TMEM223: variants seen among roughly 807,000 people sequenced by gnomAD.
The protein encoded by TMEM223 is transmembrane protein 223.
In TMEM223, 14 loss-of-function variants were observed where a neutral mutation model predicts 14.1. The observed-to-expected ratio is 0.99, with a 90% confidence interval of 0.66 to 1.55. TMEM223 has a LOEUF of 1.55. Ranked by LOEUF, TMEM223 falls within the 40% of genes most tolerant of loss-of-function variation. The pLI is 0.00. For missense variants in TMEM223, 346 were observed against 269.9 expected, an observed-to-expected ratio of 1.28 and a Z score of -1.97; for synonymous variants, 145 against 120.5, an observed-to-expected ratio of 1.20 and a Z score of -1.33.
At chr11:62,789,510 C>G, downstream of TMEM223, 1 of 1,594,420 alleles carries the variant, frequency 6.3e-7, no homozygotes. Context: ...TTATCCCCAT[C>G]AGTTGCTCTC....
At chr11:62,775,921 G>C (rs772861588) in intron 1 of TMEM223, 1 of 1,609,382 alleles carries the variant, frequency 6.2e-7, no homozygotes, top group Non-Finnish European at 8.5e-7. Context: ...GTCTGAGAGA[G>C]GCCACGCAGG....
chr11:62,779,355 C>T (rs1054774860), intron 1 of TMEM223, among the ~76,000 whole-genome samples: 8 of 152,110 alleles, frequency 5.3e-5, no homozygotes, highest in African/African-American at 7.2e-5. Context: ...CCAACATACC[C>T]GGCTAATTTT....
chr11:62,791,681 A>G lies in TMEM223; in HGVS notation c.314T>C (p.Ile105Thr). 2 of 1,531,440 alleles carry G rather than the reference A, an allele frequency of 1.3e-6. No homozygotes were observed. The highest frequency in any genetic ancestry group is 1.8e-6 in the Non-Finnish European group (2 of 1,138,630). The allele number at this position is 1,531,440 out of a possible 1,614,324, so 94.9% of individuals were successfully genotyped here. The change falls in exon 1 of 2, where the codon ATC becomes ACC. Residue 105 changes from isoleucine to threonine, a missense_variant and splice_region_variant. Transcript: ENST00000307366. ...RYGLAVGCGA[I>T]GALVLGAGLL... ...TGGGAAGCCAGCCCACGTCTTACCG[A>G]TGGCGCCGCAGCCGACGGCCAGACC...
At chr11:62,785,488 GGCTGGTATTTTCCTTATAGGCCCA>G (rs1167025595), downstream of TMEM223, among the ~76,000 whole-genome samples, 9 of 151,250 alleles carry the variant, frequency 6.0e-5, no homozygotes, top group East Asian at 1.9e-4. Context: ...CACAGCGCCC[GGCTGGTATTTTCCTTATAGGCCCA>G]GCTGGTATTT....
At chr11:62,782,540 A>G (rs774412622), downstream of TMEM223, 10 of 1,194,474 alleles carry the variant, frequency 8.4e-6, no homozygotes, top group Non-Finnish European at 1.2e-5. Flanking sequence ...TTCAGCCCTC[A>G]GGTCCTAGGC....
downstream of TMEM223, chr11:62,787,416 T>C (rs773560051): frequency 1.9e-6 from 3 of 1,557,740 alleles, no homozygotes; most frequent in Admixed American, 1.9e-5. Context: ...CGGCGCTTCC[T>C]GGTGGTCAGG....
rs760061154 is a variant in TMEM223, at chr11:62,775,771, C to G, written c.315-1106G>C. Reference sequence around the variant, plus strand: ...TCCAGTCTTCATTCTCCACTCCCAGCTCCACTGGGGCCATGTCAGAGCGAG... The same window carrying G: ...TCCAGTCTTCATTCTCCACTCCCAGGTCCACTGGGGCCATGTCAGAGCGAG... On this transcript the variant is annotated intron_variant, in intron 1 of 2. Coordinates refer to the TMEM223 transcript ENST00000528367. 5.0e-6 allele frequency: 8 copies of G among 1,600,916 alleles called. No homozygotes were observed. The South Asian group carries it at 8.9e-5, about 18-fold the overall frequency.
chr11:62,790,907 C>T lies in TMEM223; in HGVS notation c.325G>A (p.Val109Ile), dbSNP rs866825397. ...AVGCGAIGAL[V>I]LGAGLLFSLR... Reference sequence around the variant, plus strand: ...GAGAAGAGAAGACCAGCACCGAGTACGAGGGCTCCTGCAGGCAGGGCAGAG... The same window carrying T: ...GAGAAGAGAAGACCAGCACCGAGTATGAGGGCTCCTGCAGGCAGGGCAGAG... Residue 109 changes from valine to isoleucine, a missense_variant, in exon 2 of 2, where the codon GTA becomes ATA. Transcript: ENST00000307366. The T allele has an allele frequency of 3.2e-6, 5 of 1,577,218 alleles. 1 individual carries two copies. Among genetic ancestry groups the T allele is most frequent in the East Asian group, 4.6e-5 (2 of 43,840 alleles).
intron 1 of TMEM223, 120 bp downstream of exon 1, chr11:62,791,559 G>T: frequency 7.9e-7 from 1 of 1,259,202 alleles, no homozygotes; most frequent in Non-Finnish European, 1.1e-6. Flanking sequence ...TCACATTTCT[G>T]TGGGGTAAAG....
chr11:62,781,939 C>T, intron 1 of TMEM223: 1 of 1,614,140 alleles, frequency 6.2e-7, no homozygotes, highest in Non-Finnish European at 8.5e-7. Flanking sequence ...TGGGGCACTC[C>T]TGCCTTACTT....
chr11:62,784,847 A>C (rs1214412053), downstream of TMEM223, among the ~76,000 whole-genome samples: 1 of 152,304 alleles, frequency 6.6e-6, no homozygotes, highest in South Asian at 2.1e-4. Flanking sequence ...GGTCTGCTAA[A>C]TTTTAAAAGG....
At chr11:62,778,169 G>A (rs374631781) in intron 1 of TMEM223, 7 of 1,613,948 alleles carry the variant, frequency 4.3e-6, no homozygotes, top group Non-Finnish European at 5.9e-6. Flanking sequence ...ATGGGAGTTG[G>A]GCCGTGAAGA....
intron 1 of TMEM223, among the ~76,000 whole-genome samples, chr11:62,781,354 G>A (rs1165040089): frequency 6.6e-6 from 1 of 151,566 alleles, no homozygotes; most frequent in Non-Finnish European, 1.5e-5. Context: ...TAAGCATCTG[G>A]TTTTATAGAT....
downstream of TMEM223, among the ~76,000 whole-genome samples, chr11:62,783,140 T>C (rs551695695): frequency 1.3e-5 from 2 of 152,368 alleles, no homozygotes; most frequent in African/African-American, 4.8e-5. Context: ...AATTTTGTCA[T>C]ACCTTTTTAG....
At chr11:62,776,343 T>G in intron 1 of TMEM223, 1 of 1,607,214 alleles carries the variant, frequency 6.2e-7, no homozygotes, top group South Asian at 1.1e-5. Flanking sequence ...TGCCCCCTGC[T>G]TCACATCCTT....
downstream of TMEM223, chr11:62,787,775 G>A: frequency 1.5e-6 from 1 of 684,588 alleles, no homozygotes; most frequent in South Asian, 1.5e-5. Flanking sequence ...AAAGCACTAG[G>A]TGGAGTCGGG....
intron 1 of TMEM223, among the ~76,000 whole-genome samples, chr11:62,791,117 C>T (rs1439186557): frequency 2.0e-5 from 3 of 152,050 alleles, no homozygotes; most frequent in Non-Finnish European, 1.5e-5. Context: ...CTTGTTATTC[C>T]TCCCAACAAC....
rs958226565 is a variant in TMEM223, at chr11:62,778,381, C to G, written c.315-3716G>C. Reference sequence around the variant, plus strand: ...CAGGCTCTTTGGATGAATTTTCTCCCTTAGGTTCTGAGGGTGGTGCCTATG... The same window carrying G: ...CAGGCTCTTTGGATGAATTTTCTCCGTTAGGTTCTGAGGGTGGTGCCTATG... On this transcript the variant is annotated intron_variant, in intron 1 of 2. Transcript: ENST00000528367. The G allele has an allele frequency of 3.1e-6, 5 of 1,610,620 alleles. No individual in the cohort carries two copies. In the African/African-American group the frequency reaches 6.7e-5, roughly 22 times the overall value.
In TMEM223 at chr11:62,790,466, A is replaced by C. The variant is rs1313883807; in HGVS notation, c.*157T>G. On this transcript the variant is annotated 3_prime_UTR_variant, in exon 2 of 2. Transcript: ENST00000307366. ...GTTTTTTTTTTTGTAAATAGAGACA[A>C]GGTCTCGCTATGTTGCCCAGCCTGG... 6 of 639,200 alleles carry C rather than the reference A, an allele frequency of 9.4e-6. No individual in the cohort carries two copies. Among genetic ancestry groups the C allele is most frequent in the Non-Finnish European group, 1.5e-5 (6 of 388,856 alleles). The allele number at this position is 639,200 out of a possible 1,614,324, so 39.6% of individuals were successfully genotyped here.
Sources: allele counts gnomAD v4.1 joint callset (sites outside exome capture counted in the v4.1 genomes callset), GRCh38; gene constraint gnomAD v4.1.1; transcripts MANE v1.5; gene names NCBI Gene and HGNC (gene_info 2026-07-23, HGNC 2026-07-21).